EVI5: variants seen among roughly 807,000 people sequenced by gnomAD.
The protein encoded by EVI5 is ecotropic viral integration site 5 protein homolog.
A neutral mutation model predicts 112.0 loss-of-function variants in EVI5; 73 were observed. That is an observed-to-expected ratio of 0.65 (90% CI 0.54 to 0.79). The LOEUF (loss-of-function observed/expected upper bound fraction) is 0.79. Among genes scored for constraint, EVI5 ranks in the 30% least tolerant of loss-of-function variants. EVI5 has a pLI of 0.00. For synonymous variants in EVI5, 305 were observed against 319.9 expected (o/e 0.95, Z 0.50); for missense variants, 900 against 968.8 (o/e 0.93, Z 0.94).
In EVI5 at chr1:92,662,848, G is replaced by A. The variant is rs1664253416; in HGVS notation, c.1263C>T (p.Ala421=). Residue 421 remains alanine (A), a synonymous_variant, in exon 13 of 20, where the codon GCC becomes GCT. Coordinates refer to ENST00000684568, the MANE Select transcript of EVI5 (RefSeq NM_001350197.2). ...TGAGGTAGTTTTCCTCAGCCTCCTG[G>A]GCTCTTGTCACTTGTCCCTTAGGAC... ...DRLIQGQVTR[A]QEAEENYLIK... 7.8e-7 allele frequency: 1 copy of A among 1,287,376 alleles called. No homozygotes were observed. The highest frequency in any genetic ancestry group is 1.0e-6 in the Non-Finnish European group (1 of 988,222). 79.7% of individuals were successfully genotyped at this position (1,287,376 alleles called of 1,614,324 possible).
At chr1:92,631,009 C>T (rs980425062) in intron 14 of EVI5, among the ~76,000 whole-genome samples, 1 of 151,722 alleles carries the variant, frequency 6.6e-6, no homozygotes, top group African/African-American at 2.4e-5. Context: ...GAGGGCTGTT[C>T]CATTGGTCTG....
intron 13 of EVI5, among the ~76,000 whole-genome samples, chr1:92,648,518 T>C (rs1298099661): frequency 1.3e-5 from 2 of 152,166 alleles, no homozygotes; most frequent in Non-Finnish European, 2.9e-5. Flanking sequence ...CCTTACCTAT[T>C]AAGCAGTTTC....
chr1:92,643,216 C>G (rs939164687), intron 13 of EVI5, among the ~76,000 whole-genome samples: 3 of 151,372 alleles, frequency 2.0e-5, no homozygotes, highest in Non-Finnish European at 4.4e-5. Flanking sequence ...ATCTATATCT[C>G]AGTTTGATCT....
intron 13 of EVI5, among the ~76,000 whole-genome samples, chr1:92,648,212 A>C (rs1264048304): frequency 4.9e-3 from 9 of 1,822 alleles, no homozygotes; most frequent in Non-Finnish European, 7.9e-3. Flanking sequence ...AAAAAAAAAA[A>C]AAAAAACAAA....
chr1:92,726,989 TAAAGG>T (rs1185045939), intron 2 of EVI5, among the ~76,000 whole-genome samples: 1 of 152,114 alleles, frequency 6.6e-6, no homozygotes, highest in Admixed American at 6.5e-5. Context: ...ATGGCAGAAT[TAAAGG>T]AAACAATATA....
At chr1:92,559,710 G>A (rs1668219694) in intron 19 of EVI5, among the ~76,000 whole-genome samples, 1 of 129,750 alleles carries the variant, frequency 7.7e-6, no homozygotes, top group South Asian at 2.7e-4. Flanking sequence ...GGAGGCAGAG[G>A]TTGCAGTGAG....
chr1:92,646,783 A>G (rs1661048548), intron 13 of EVI5, among the ~76,000 whole-genome samples: 1 of 152,180 alleles, frequency 6.6e-6, no homozygotes, highest in Admixed American at 6.5e-5. Flanking sequence ...AAAACATGAG[A>G]TTATCTTTTC....
intron 18 of EVI5, among the ~76,000 whole-genome samples, chr1:92,569,621 C>T (rs555046141): frequency 9.9e-5 from 15 of 151,830 alleles, no homozygotes; most frequent in African/African-American, 3.4e-4. Flanking sequence ...TTTGGGAGGC[C>T]GAGGCAGGCG....
intron 18 of EVI5, among the ~76,000 whole-genome samples, chr1:92,572,018 A>C (rs573140733): frequency 5.9e-5 from 9 of 152,178 alleles, no homozygotes; most frequent in Non-Finnish European, 1.2e-4. Context: ...TAAAGAGGGC[A>C]TAACATAACA....
intron 10 of EVI5, 141 bp from the exon 11 acceptor site, chr1:92,666,133 C>T: frequency 3.5e-6 from 2 of 566,958 alleles, no homozygotes; most frequent in East Asian, 3.0e-5. Flanking sequence ...ATGTCAAAGA[C>T]TCAGAGTAAG....
intron 1 of EVI5, chr1:92,756,724 C>G (rs1231898087): frequency 2.1e-6 from 1 of 485,954 alleles, no homozygotes; most frequent in Non-Finnish European, 4.2e-6. Flanking sequence ...CCTACATCAA[C>G]CAAGCTGTTG....
chr1:92,748,157 C>T (rs1386516237), intron 1 of EVI5, among the ~76,000 whole-genome samples: 1 of 152,114 alleles, frequency 6.6e-6, no homozygotes, highest in Non-Finnish European at 1.5e-5. Flanking sequence ...TCCCCTTGAG[C>T]CCAAGCAAAG....
chr1:92,737,589 T>A (rs1411706734), intron 1 of EVI5, among the ~76,000 whole-genome samples: 1 of 150,958 alleles, frequency 6.6e-6, no homozygotes, highest in Non-Finnish European at 1.5e-5. Context: ...CTGGTTTATA[T>A]ATGGCAATCC....
intron 19 of EVI5, among the ~76,000 whole-genome samples, chr1:92,519,760 G>T (rs528472859): frequency 2.6e-4 from 39 of 152,062 alleles, no homozygotes; most frequent in African/African-American, 8.0e-4. Context: ...GTTGGGTGTG[G>T]TGGTGCACGC....
chr1:92,771,341 C>T (rs894971125), intron 1 of EVI5, among the ~76,000 whole-genome samples: 6 of 152,064 alleles, frequency 3.9e-5, no homozygotes, highest in African/African-American at 1.2e-4. Flanking sequence ...AGAGATATCT[C>T]ATACTTCCTT....
intron 10 of EVI5, among the ~76,000 whole-genome samples, chr1:92,666,911 G>A (rs985135335): frequency 1.3e-5 from 2 of 152,088 alleles, no homozygotes; most frequent in Non-Finnish European, 2.9e-5. Context: ...CTCCAACAGA[G>A]CCTACCTATA....
At chr1:92,632,398 G>A (rs1412528530) in intron 14 of EVI5, among the ~76,000 whole-genome samples, 1 of 152,152 alleles carries the variant, frequency 6.6e-6, no homozygotes, top group Non-Finnish European at 1.5e-5. Context: ...CTTCTTCCTG[G>A]TTTAGTCTTG....
chr1:92,633,013 G>A (rs548441628), intron 14 of EVI5, among the ~76,000 whole-genome samples: 1 of 152,182 alleles, frequency 6.6e-6, no homozygotes, highest in South Asian at 2.1e-4. Flanking sequence ...CTGAGTTCTA[G>A]TTTGATTGCA....
intron 2 of EVI5, among the ~76,000 whole-genome samples, chr1:92,721,112 A>T (rs1674681565): frequency 6.6e-6 from 1 of 152,232 alleles, no homozygotes; most frequent in Non-Finnish European, 1.5e-5. Context: ...TGTGGAAGAC[A>T]GTGTGGCAAT....
Sources: allele counts gnomAD v4.1 joint callset (sites outside exome capture counted in the v4.1 genomes callset), GRCh38; gene constraint gnomAD v4.1.1; transcripts MANE v1.5; gene names NCBI Gene and HGNC (gene_info 2026-07-23, HGNC 2026-07-21).